Variants in CMSS1 observed in about 807,000 individuals in gnomAD.
CMSS1 encodes protein CMSS1.
In CMSS1, 33 loss-of-function variants were observed where a neutral mutation model predicts 43.5. That is an observed-to-expected ratio of 0.76 (90% CI 0.57 to 1.01). CMSS1 has a LOEUF of 1.01. CMSS1 is among the 50% of genes least tolerant of loss of function. The pLI is 0.00. For synonymous variants in CMSS1, 115 were observed against 117.2 expected, an observed-to-expected ratio of 0.98 and a Z score of 0.12; for missense variants, 313 against 326.4, an observed-to-expected ratio of 0.96 and a Z score of 0.32.
chr3:99,952,228 T>C (rs1708199262), intron 1 of CMSS1, among the ~76,000 whole-genome samples: 1 of 152,142 alleles, frequency 6.6e-6, no homozygotes, highest in Non-Finnish European at 1.5e-5. Context: ...AGATCTGATA[T>C]AGTCTCTGAT....
intron 1 of CMSS1, among the ~76,000 whole-genome samples, chr3:100,010,777 G>GGT (rs1710127455): frequency 1.4e-5 from 1 of 73,348 alleles, no homozygotes; most frequent in Non-Finnish European, 2.6e-5. Context: ...TCCACGCCCG[G>GGT]ATTTTTTTTT....
chr3:100,090,098 G>C (rs1168470336), intron 1 of CMSS1, among the ~76,000 whole-genome samples: 1 of 152,220 alleles, frequency 6.6e-6, no homozygotes, highest in African/African-American at 2.4e-5. Context: ...ACTGTCTGCA[G>C]CTGATCCTTC....
chr3:99,965,873 A>G (rs1236225690), intron 1 of CMSS1, among the ~76,000 whole-genome samples: 1 of 152,106 alleles, frequency 6.6e-6, no homozygotes, highest in Non-Finnish European at 1.5e-5. Context: ...CCATGCAGTC[A>G]TGTTGTCCAG....
intron 1 of CMSS1, among the ~76,000 whole-genome samples, chr3:99,836,182 C>T (rs925800021): frequency 6.6e-6 from 1 of 152,112 alleles, no homozygotes; most frequent in Admixed American, 6.6e-5. Flanking sequence ...AACTATCTTA[C>T]AGTACCATCT....
chr3:99,818,505 C>G (rs538734309), intron 1 of CMSS1, among the ~76,000 whole-genome samples: 1 of 152,262 alleles, frequency 6.6e-6, no homozygotes, highest in African/African-American at 2.4e-5. Context: ...ATGTCCATTT[C>G]GTAAAGTTGT....
chr3:100,058,650 A>G (rs2065506973), intron 1 of CMSS1, among the ~76,000 whole-genome samples: 1 of 152,092 alleles, frequency 6.6e-6, no homozygotes, highest in Admixed American at 6.5e-5. Context: ...CAAGCACCTC[A>G]CCACAAACTG....
intron 1 of CMSS1, chr3:99,924,098 T>C: frequency 1.3e-6 from 1 of 769,550 alleles, no homozygotes; most frequent in South Asian, 1.7e-5. Context: ...ACATATCCTT[T>C]TCCTCACCCT....
intron 1 of CMSS1, among the ~76,000 whole-genome samples, chr3:99,842,401 G>A (rs1031512378): frequency 6.6e-6 from 1 of 151,920 alleles, no homozygotes; most frequent in African/African-American, 2.4e-5. Context: ...CTCGAGTGAT[G>A]GTTGCACCAG....
intron 1 of CMSS1, among the ~76,000 whole-genome samples, chr3:99,823,537 T>G (rs1329894418): frequency 2.0e-5 from 3 of 152,206 alleles, no homozygotes; most frequent in Non-Finnish European, 2.9e-5. Context: ...ATATCCTGAT[T>G]CTTTCTTTGC....
At chr3:99,942,557 C>T (rs1424481804) in intron 1 of CMSS1, among the ~76,000 whole-genome samples, 1 of 152,188 alleles carries the variant, frequency 6.6e-6, no homozygotes, top group Non-Finnish European at 1.5e-5. Context: ...CCTTGCCAGT[C>T]GCCGTGGCTC....
chr3:100,152,342 T>C (rs1039351824), intron 2 of CMSS1, among the ~76,000 whole-genome samples: 2 of 152,192 alleles, frequency 1.3e-5, no homozygotes, highest in Non-Finnish European at 2.9e-5. Context: ...ACTAGTGGTA[T>C]TTCTGCATAT....
At position 100,117,878 on chromosome 3, in the gene CMSS1, T is replaced by TATAC. The variant is rs1357671856; in HGVS notation, c.65-29094_65-29093insTACA. 8.2e-3 allele frequency among the ~76,000 whole-genome samples: 1,064 copies of TATAC among 129,026 alleles called. 35 individuals carry two copies. Among genetic ancestry groups the TATAC allele is most frequent in the African/African-American group, 0.031 (977 of 31,564 alleles). The allele number at this position is 129,026 out of a possible 152,430, so 84.6% of individuals were successfully genotyped here. A position where few individuals can be genotyped will look rare whatever the true frequency, so the allele number is the denominator to read the frequency against. ...ACATATATATATATATATATATATA[T>TATAC]ACACATACAATGGAGTATTACTCAG... On this transcript the variant is annotated intron_variant, in intron 1 of 9. Transcript: ENST00000421999.
chr3:99,963,971 G>A (rs1708570000), intron 1 of CMSS1, among the ~76,000 whole-genome samples: 1 of 152,040 alleles, frequency 6.6e-6, no homozygotes, highest in Non-Finnish European at 1.5e-5. Context: ...TGATCAGTAG[G>A]CCAGGCAGGA....
At chr3:99,944,374 A>C (rs1707943995) in intron 1 of CMSS1, among the ~76,000 whole-genome samples, 1 of 152,216 alleles carries the variant, frequency 6.6e-6, no homozygotes, top group African/African-American at 2.4e-5. Flanking sequence ...GTTCCAAAAA[A>C]GATGACAAAG....
rs115297908 is a variant in CMSS1, at chr3:99,912,226, G to C, written c.64+94183G>C. On this transcript the variant is annotated intron_variant, in intron 1 of 9. Transcript: ENST00000421999. The stretch of plus-strand genomic sequence containing the variant: ...CTGAACCCTGAAAACATTATTTTAA[G>C]TGAAAGAAAACAGGGACAAATAGCT... Among the ~76,000 whole-genome samples the C allele has an allele frequency of 4.6e-3, 696 of 152,276 alleles. 2 individuals are homozygous for C. Among genetic ancestry groups the C allele is most frequent in the South Asian group, 7.0e-3 (34 of 4,826 alleles).
chr3:99,901,675 A>C (rs1240634439), intron 1 of CMSS1, among the ~76,000 whole-genome samples: 4 of 152,194 alleles, frequency 2.6e-5, no homozygotes, highest in Non-Finnish European at 4.4e-5. Flanking sequence ...TTGCATAATC[A>C]AGTTGTGTAA....
At chr3:100,064,912 A>T (rs2065637623) in intron 1 of CMSS1, among the ~76,000 whole-genome samples, 1 of 152,220 alleles carries the variant, frequency 6.6e-6, no homozygotes, top group Non-Finnish European at 1.5e-5. Flanking sequence ...GGGGACTAAC[A>T]AACATGTATT....
chr3:99,850,609 T>C, intron 1 of CMSS1: 1 of 1,613,944 alleles, frequency 6.2e-7, no homozygotes, highest in African/African-American at 1.3e-5. Context: ...ACTGATTTTT[T>C]CTTTTATATC....
chr3:99,867,822 C>G (rs778056993), intron 1 of CMSS1, among the ~76,000 whole-genome samples: 1 of 152,060 alleles, frequency 6.6e-6, no homozygotes, highest in Admixed American at 6.6e-5. Flanking sequence ...GAATGGAAAA[C>G]CGTAATTGGA....
Sources: gnomAD v4.1 joint callset for allele counts (sites outside exome capture counted in the v4.1 genomes callset) on GRCh38, gnomAD v4.1.1 for gene constraint, MANE v1.5 for transcripts, NCBI Gene and HGNC (gene_info 2026-07-23, HGNC 2026-07-21) for gene names.